The following YIPF7 variants were observed in gnomAD, a reference collection of about 807,000 sequenced individuals.
The protein encoded by YIPF7 is Yip1 domain family member 7.
In YIPF7, 35 loss-of-function variants were observed where a neutral mutation model predicts 27.2. The observed-to-expected ratio is 1.29, with a 90% confidence interval of 0.98 to 1.70. The LOEUF (loss-of-function observed/expected upper bound fraction) is 1.70. Ranked by LOEUF, YIPF7 falls within the 40% of genes most tolerant of loss-of-function variation. The pLI is 0.00. For synonymous variants in YIPF7, 137 were observed against 110.4 expected (o/e 1.24, Z -1.51); for missense variants, 358 against 303.7 (o/e 1.18, Z -1.33).
upstream of YIPF7, among the ~76,000 whole-genome samples, chr4:44,653,104 G>C (rs1349617964): frequency 6.6e-6 from 1 of 152,048 alleles, no homozygotes; most frequent in East Asian, 1.9e-4. Context: ...ACTACGTGAA[G>C]AACATTTCAA....
intron 4 of YIPF7, among the ~76,000 whole-genome samples, chr4:44,625,785 G>C (rs1488913505): frequency 1.3e-5 from 2 of 152,120 alleles, no homozygotes; most frequent in Admixed American, 1.3e-4. Context: ...TTCAGAAGAG[G>C]ATATTTTAAT....
At chr4:44,653,099 G>A (rs1162948707), upstream of YIPF7, among the ~76,000 whole-genome samples, 3 of 152,140 alleles carry the variant, frequency 2.0e-5, no homozygotes, top group East Asian at 1.9e-4. Flanking sequence ...TACAGACTAC[G>A]TGAAGAACAT....
chr4:44,629,342 C>T (rs1712791046), intron 4 of YIPF7, 61 bp downstream of exon 4: 3 of 1,437,114 alleles, frequency 2.1e-6, no homozygotes, highest in East Asian at 5.1e-5. Flanking sequence ...ATACAGATTG[C>T]TTCAAAGCCA....
At chr4:44,653,349 A>T (rs571724490), upstream of YIPF7, among the ~76,000 whole-genome samples, 1 of 152,218 alleles carries the variant, frequency 6.6e-6, no homozygotes, top group Non-Finnish European at 1.5e-5. Context: ...TATTAGTCAC[A>T]AGTGGAAGAG....
intron 4 of YIPF7, among the ~76,000 whole-genome samples, chr4:44,626,902 C>T (rs1321106985): frequency 2.0e-5 from 3 of 150,048 alleles, no homozygotes; most frequent in African/African-American, 4.9e-5. Context: ...CAGCCTCCCG[C>T]GTAGCTGGGA....
At chr4:44,635,847 C>T (rs891631666) in intron 3 of YIPF7, 75 bp downstream of exon 3, 3 of 1,495,878 alleles carry the variant, frequency 2.0e-6, no homozygotes, top group Non-Finnish European at 2.7e-6. Flanking sequence ...TGCAGGCTGA[C>T]AGCACACATT....
At chr4:44,632,290 G>A (rs993782392) in intron 3 of YIPF7, among the ~76,000 whole-genome samples, 1 of 152,138 alleles carries the variant, frequency 6.6e-6, no homozygotes, top group Non-Finnish European at 1.5e-5. Context: ...TTATTGTTTT[G>A]CTGTCATCTA....
At chr4:44,631,375 G>A (rs953351971) in intron 3 of YIPF7, among the ~76,000 whole-genome samples, 1 of 152,062 alleles carries the variant, frequency 6.6e-6, no homozygotes, top group Non-Finnish European at 1.5e-5. Flanking sequence ...CAGGGGTATA[G>A]CTCAACTTAT....
intron 2 of YIPF7, 111 bp downstream of exon 2, chr4:44,649,874 A>AG: frequency 1.5e-6 from 1 of 649,986 alleles, no homozygotes; most frequent in Non-Finnish European, 2.6e-6. Flanking sequence ...GGCAAGAAAG[A>AG]TCAGACCCTT....
chr4:44,651,427 A>G (rs776901244), intron 1 of YIPF7, 127 bp downstream of exon 1: 12 of 488,932 alleles, frequency 2.5e-5, no homozygotes, highest in Non-Finnish European at 3.9e-5. Context: ...TAATTTATTG[A>G]GAATACACTA....
intron 2 of YIPF7, among the ~76,000 whole-genome samples, chr4:44,638,927 C>A (rs571027290): frequency 6.6e-6 from 1 of 152,314 alleles, no homozygotes; most frequent in East Asian, 1.9e-4. Flanking sequence ...ATTGTCCCAG[C>A]ACCATTTATT....
intron 3 of YIPF7, among the ~76,000 whole-genome samples, chr4:44,633,201 T>C (rs796816811): frequency 6.6e-6 from 1 of 152,172 alleles, no homozygotes; most frequent in South Asian, 2.1e-4. Context: ...ACAAAACTGT[T>C]CCCTGGTGCC....
At chr4:44,633,940 A>G (rs934059551) in intron 3 of YIPF7, among the ~76,000 whole-genome samples, 3 of 152,122 alleles carry the variant, frequency 2.0e-5, no homozygotes, top group Non-Finnish European at 2.9e-5. Context: ...TTCCTACAAA[A>G]TTGACAAAGA....
At chr4:44,635,274 A>G (rs926871110) in intron 3 of YIPF7, among the ~76,000 whole-genome samples, 1 of 151,986 alleles carries the variant, frequency 6.6e-6, no homozygotes, top group Admixed American at 6.6e-5. Context: ...GCACATACAG[A>G]CTGGCTACAT....
intron 1 of YIPF7, among the ~76,000 whole-genome samples, chr4:44,661,823 T>A (rs1256902882): frequency 1.3e-5 from 2 of 152,158 alleles, no homozygotes; most frequent in Non-Finnish European, 2.9e-5. Flanking sequence ...GGAATATTAC[T>A]TAGTGAGGTG....
At chr4:44,627,104 T>G (rs1003198685) in intron 4 of YIPF7, among the ~76,000 whole-genome samples, 1 of 152,120 alleles carries the variant, frequency 6.6e-6, no homozygotes, top group Non-Finnish European at 1.5e-5. Flanking sequence ...TTAAAATACT[T>G]AGTGTTCTTC....
intron 2 of YIPF7, among the ~76,000 whole-genome samples, chr4:44,658,109 C>T (rs941316867): frequency 6.6e-6 from 1 of 151,910 alleles, no homozygotes; most frequent in Non-Finnish European, 1.5e-5. Context: ...ATGTTTATGC[C>T]CTCCCCCTGT....
intron 3 of YIPF7, among the ~76,000 whole-genome samples, chr4:44,632,243 AAG>A (rs1489365073): frequency 2.0e-5 from 3 of 152,222 alleles, no homozygotes; most frequent in East Asian, 3.8e-4. Context: ...TACAAAATAA[AAG>A]AAGATAAAAC....
At chr4:44,628,494 A>G (rs150861845) in intron 4 of YIPF7, among the ~76,000 whole-genome samples, 4 of 152,284 alleles carry the variant, frequency 2.6e-5, no homozygotes, top group African/African-American at 4.8e-5. Context: ...AGCTTTTCCT[A>G]TAATGTTTAA....
Sources: allele counts gnomAD v4.1 joint callset (sites outside exome capture counted in the v4.1 genomes callset), GRCh38; gene constraint gnomAD v4.1.1; transcripts MANE v1.5; gene names NCBI Gene and HGNC (gene_info 2026-07-23, HGNC 2026-07-21).